Variants in LPGAT1 observed in about 807,000 individuals in gnomAD.
LPGAT1 encodes lysophosphatidylglycerol acyltransferase 1.
LPGAT1 carries 11 observed loss-of-function variants against 47.5 expected under a neutral mutation model. The observed-to-expected ratio is 0.23, with a 90% confidence interval of 0.15 to 0.38. LPGAT1 has a LOEUF of 0.38. Among genes scored for constraint, LPGAT1 ranks in the 10% least tolerant of loss-of-function variants. The pLI, the probability that LPGAT1 is intolerant of heterozygous loss-of-function variation, is 1.00. For missense variants in LPGAT1, 293 were observed against 439.0 expected, an observed-to-expected ratio of 0.67 and a Z score of 2.97; for synonymous variants, 138 against 144.2, an observed-to-expected ratio of 0.96 and a Z score of 0.31.
intron 2 of LPGAT1, among the ~76,000 whole-genome samples, chr1:211,802,559 A>C (rs1659616749): frequency 6.6e-6 from 1 of 152,284 alleles, no homozygotes; most frequent in Admixed American, 6.5e-5. Flanking sequence ...AATTGTAAAA[A>C]TAAAAGTCTC....
chr1:211,761,088 C>T (rs927193154), intron 6 of LPGAT1, among the ~76,000 whole-genome samples: 11 of 152,252 alleles, frequency 7.2e-5, no homozygotes, highest in Admixed American at 3.9e-4. Flanking sequence ...ACTTGAATTA[C>T]TTTTTGACTC....
intron 6 of LPGAT1, among the ~76,000 whole-genome samples, chr1:211,766,574 G>A (rs1657924290): frequency 6.6e-6 from 1 of 152,112 alleles, no homozygotes; most frequent in African/African-American, 2.4e-5. Context: ...ACACAGATGG[G>A]CATTTTGTAG....
intron 2 of LPGAT1, among the ~76,000 whole-genome samples, chr1:211,800,801 G>A (rs1402349961): frequency 6.6e-6 from 1 of 152,194 alleles, no homozygotes; most frequent in Non-Finnish European, 1.5e-5. Flanking sequence ...TAACAAGTGA[G>A]AATCATCCTA....
chr1:211,826,028 C>A (rs1660535619), intron 2 of LPGAT1, among the ~76,000 whole-genome samples: 1 of 151,968 alleles, frequency 6.6e-6, no homozygotes, highest in Non-Finnish European at 1.5e-5. Context: ...GATGAACAAA[C>A]CCCAGTGTCT....
At chr1:211,754,831 T>C (rs965426979) in intron 6 of LPGAT1, among the ~76,000 whole-genome samples, 4 of 151,312 alleles carry the variant, frequency 2.6e-5, no homozygotes, top group Admixed American at 6.6e-5. Flanking sequence ...CTGGTCAAGA[T>C]GGTGAAACCC....
rs1478968578 is a variant in LPGAT1, at chr1:211,824,144, T to C, written c.238+4915A>G. 2.0e-5 allele frequency among the ~76,000 whole-genome samples: 3 copies of C among 152,118 alleles called. No homozygotes were observed. In the East Asian group the frequency reaches 5.8e-4, roughly 30 times the overall value. On this transcript the variant is annotated intron_variant, in intron 2 of 7. Coordinates refer to ENST00000366997, the MANE Select transcript of LPGAT1 (RefSeq NM_014873.3). ...GTGCAGTGGCTCACCACGCCTGTAA[T>C]CCCAGCACTGTGGGAGCCAAGGTGG...
At chr1:211,779,457 C>T (rs1183027150) in intron 5 of LPGAT1, among the ~76,000 whole-genome samples, 1 of 151,954 alleles carries the variant, frequency 6.6e-6, no homozygotes, top group Non-Finnish European at 1.5e-5. Context: ...ATAATATAAA[C>T]ACCAAGACTT....
At chr1:211,761,569 A>G (rs1161719412) in intron 6 of LPGAT1, among the ~76,000 whole-genome samples, 1 of 152,254 alleles carries the variant, frequency 6.6e-6, no homozygotes, top group Non-Finnish European at 1.5e-5. Flanking sequence ...TGGGAGAAAC[A>G]GAGCTTGAAT....
chr1:211,817,656 C>G (rs1660222045), intron 2 of LPGAT1, among the ~76,000 whole-genome samples: 2 of 151,928 alleles, frequency 1.3e-5, no homozygotes, highest in African/African-American at 4.8e-5. Flanking sequence ...ATTCTACTAA[C>G]TAATGAGTGT....
At chr1:211,820,993 G>C (rs981300699) in intron 2 of LPGAT1, among the ~76,000 whole-genome samples, 5 of 152,042 alleles carry the variant, frequency 3.3e-5, no homozygotes, top group Non-Finnish European at 5.9e-5. Flanking sequence ...ATTCAATCTG[G>C]CTTCATATAA....
intron 6 of LPGAT1, among the ~76,000 whole-genome samples, chr1:211,757,109 T>C (rs527818448): frequency 3.3e-5 from 5 of 152,066 alleles, no homozygotes; most frequent in African/African-American, 9.6e-5. Context: ...ATACAAAAAT[T>C]AGCCAGATGT....
At chr1:211,757,607 T>C (rs1161937413) in intron 6 of LPGAT1, among the ~76,000 whole-genome samples, 2 of 152,184 alleles carry the variant, frequency 1.3e-5, no homozygotes, top group Non-Finnish European at 2.9e-5. Flanking sequence ...TAGCATTCCA[T>C]GACTATTTTC....
chr1:211,786,467 C>T (rs943494901), intron 4 of LPGAT1, among the ~76,000 whole-genome samples: 3 of 152,156 alleles, frequency 2.0e-5, no homozygotes, highest in African/African-American at 4.8e-5. Flanking sequence ...CATAAAAGCT[C>T]GTACATACCA....
intron 3 of LPGAT1, among the ~76,000 whole-genome samples, chr1:211,788,737 T>C (rs1024427148): frequency 3.9e-5 from 6 of 152,028 alleles, no homozygotes; most frequent in Non-Finnish European, 2.9e-5. Flanking sequence ...AATCGGTTAA[T>C]TGTTCTTTCC....
chr1:211,807,196 G>C (rs1009745882), intron 2 of LPGAT1, among the ~76,000 whole-genome samples: 1 of 151,888 alleles, frequency 6.6e-6, no homozygotes, highest in South Asian at 2.1e-4. Flanking sequence ...GAAATACTTA[G>C]GTATAAATTT....
At chr1:211,763,639 CA>C (rs1252871876) in intron 6 of LPGAT1, among the ~76,000 whole-genome samples, 4 of 152,134 alleles carry the variant, frequency 2.6e-5, no homozygotes, top group Non-Finnish European at 5.9e-5. Flanking sequence ...ACAGGGTAGA[CA>C]ACAAAAAATG....
intron 6 of LPGAT1, among the ~76,000 whole-genome samples, chr1:211,768,893 G>A (rs1658050050): frequency 6.6e-6 from 1 of 152,186 alleles, no homozygotes; most frequent in South Asian, 2.1e-4. Flanking sequence ...TTCTCGTGGA[G>A]GAGGAAACAG....
intron 6 of LPGAT1, among the ~76,000 whole-genome samples, chr1:211,777,144 A>G (rs1001007903): frequency 6.6e-6 from 1 of 152,156 alleles, no homozygotes; most frequent in Non-Finnish European, 1.5e-5. Flanking sequence ...CTGATGGCCA[A>G]AAACAATATA....
chr1:211,765,566 C>A (rs772137717), intron 6 of LPGAT1, among the ~76,000 whole-genome samples: 52 of 152,108 alleles, frequency 3.4e-4, no homozygotes, highest in Non-Finnish European at 6.6e-4. Context: ...ATAACAATGG[C>A]ACTTTGCTAG....
Sources: gnomAD v4.1 joint callset for allele counts (sites outside exome capture counted in the v4.1 genomes callset) on GRCh38, gnomAD v4.1.1 for gene constraint, MANE v1.5 for transcripts, NCBI Gene and HGNC (gene_info 2026-07-23, HGNC 2026-07-21) for gene names.